PRKCQ: variants seen among roughly 807,000 people sequenced by gnomAD.
The protein encoded by PRKCQ is protein kinase C theta.
A neutral mutation model predicts 91.2 loss-of-function variants in PRKCQ; 41 were observed. The ratio of observed to expected loss-of-function variants is 0.45; its 90% confidence interval spans 0.35 to 0.58. PRKCQ has a LOEUF of 0.58. Among genes scored for constraint, PRKCQ ranks in the 20% least tolerant of loss-of-function variants. The pLI, the probability that PRKCQ is intolerant of heterozygous loss-of-function variation, is 0.00. For synonymous variants in PRKCQ, 307 were observed against 316.9 expected, an observed-to-expected ratio of 0.97 and a Z score of 0.33; for missense variants, 673 against 896.5, an observed-to-expected ratio of 0.75 and a Z score of 3.18.
Position 6,428,197 on chromosome 10 carries a change from G to A in PRKCQ, c.*10C>T. The stretch of plus-strand genomic sequence containing the variant: ...AGGCAAATTCTTTCCTGTCTCTGGA[G>A]GGGCAAGATTCAGGATATCAGCCGC... On this transcript the variant is annotated 3_prime_UTR_variant, in exon 18 of 18. Coordinates refer to ENST00000263125, the MANE Select transcript of PRKCQ (RefSeq NM_006257.5). 2 of 1,614,134 alleles carry A rather than the reference G, an allele frequency of 1.2e-6. No homozygotes were observed. Among genetic ancestry groups the A allele is most frequent in the Non-Finnish European group, 1.7e-6 (2 of 1,180,022 alleles).
chr10:6,500,966 T>G (rs1588340145), intron 4 of PRKCQ, among the ~76,000 whole-genome samples: 1 of 152,156 alleles, frequency 6.6e-6, no homozygotes, highest in South Asian at 2.1e-4. Flanking sequence ...TACCCATATT[T>G]TTTAGGAGGT....
chr10:6,417,682 A>C, the PRKCQ span, among the ~76,000 whole-genome samples: 3 of 152,192 alleles, frequency 2.0e-5, no homozygotes, highest in Admixed American at 6.5e-5. Flanking sequence ...TGGCCACGTG[A>C]ACATTCAGTC....
chr10:6,519,357 C>T (rs1400023329), intron 1 of PRKCQ, among the ~76,000 whole-genome samples: 2 of 152,174 alleles, frequency 1.3e-5, no homozygotes, highest in African/African-American at 4.8e-5. Context: ...ACAGTTGCCC[C>T]TTCATCAGCT....
Position 6,464,472 on chromosome 10 carries a change from C to G in PRKCQ, c.1354-68G>C. 8.8e-6 allele frequency: 12 copies of G among 1,360,732 alleles called. No homozygotes were observed. In the South Asian group the frequency reaches 1.3e-4, roughly 15 times the overall value. 84.3% of individuals were successfully genotyped at this position (1,360,732 alleles called of 1,614,324 possible). On this transcript the variant is annotated intron_variant, in intron 12 of 17. Coordinates refer to ENST00000263125, the MANE Select transcript of PRKCQ (RefSeq NM_006257.5). ...TTTTATTTATTTATTTTGTCCAAGA[C>G]AGGGTCTCACTCTGTCTCCCAGGCT...
In PRKCQ at chr10:6,507,473, T is replaced by C. The variant is rs778141238; in HGVS notation, c.342A>G (p.Arg114=). 1 of 1,613,842 alleles carries C rather than the reference T, an allele frequency of 6.2e-7. No homozygotes were observed. Among genetic ancestry groups the C allele is most frequent in the South Asian group, 1.1e-5 (1 of 91,082 alleles). Residue 114 remains arginine, a synonymous_variant, in exon 4 of 18, where the codon CGA becomes CGG. Transcript: ENST00000263125. ...GAAAGTATCTTGCATTCATTAGCAT[T>C]CGGCCTTGAGGTTTCAGCTCTAACT... ...EIWLELKPQG[R]MLMNARYFLE...
rs140370728 is a variant in PRKCQ at position 6,478,764 on chromosome 10, C to G, written c.1353+228G>C. On this transcript the variant is annotated intron_variant, in intron 12 of 17. Transcript: ENST00000263125. Reference sequence around the variant, plus strand: ...AACCAAATTCTAAAAAACAGGAAAACAGACAAACAAATCTAGAAGTAAAGA... The same window carrying G: ...AACCAAATTCTAAAAAACAGGAAAAGAGACAAACAAATCTAGAAGTAAAGA... 4.6e-3 allele frequency among the ~76,000 whole-genome samples: 705 copies of G among 152,262 alleles called. 5 individuals carry two copies. The highest frequency in any genetic ancestry group is 0.015 in the African/African-American group (606 of 41,556).
chr10:6,484,677 G>C (rs1003401488), intron 10 of PRKCQ, among the ~76,000 whole-genome samples: 3 of 152,078 alleles, frequency 2.0e-5, no homozygotes, highest in Non-Finnish European at 4.4e-5. Flanking sequence ...AACGACTCAG[G>C]TCTCAGAAAC....
chr10:6,554,970 C>G (rs1206236207), intron 1 of PRKCQ, among the ~76,000 whole-genome samples: 1 of 152,188 alleles, frequency 6.6e-6, no homozygotes, highest in African/African-American at 2.4e-5. Context: ...GGAATCATGT[C>G]CTTTGCAGCA....
At chr10:6,415,356 A>C in the PRKCQ span, among the ~76,000 whole-genome samples, 1 of 148,656 alleles carries the variant, frequency 6.7e-6, no homozygotes, top group African/African-American at 2.5e-5. Flanking sequence ...ATTGTAATCA[A>C]ATTTCTTAAA....
rs562241581 is a variant in PRKCQ at position 6,566,524 on chromosome 10, C to T, written c.-10+13687G>A. On this transcript the variant is annotated intron_variant, in intron 1 of 17. Coordinates refer to ENST00000263125, the MANE Select transcript of PRKCQ (RefSeq NM_006257.5). ...TTCCCACTTCTGGGATTTTTCAGTC[C>T]GACTTCACTGTTGGGTGGGTCTGGA... is the stretch of plus-strand genomic sequence containing the variant. Among the ~76,000 whole-genome samples, 6 of 152,212 alleles carry T rather than the reference C, an allele frequency of 3.9e-5. No homozygotes were observed. The East Asian group carries it at 9.6e-4, about 24-fold the overall frequency.
rs186300330 is a variant in PRKCQ at position 6,496,932 on chromosome 10, G to A, written c.660+103C>T. On this transcript the variant is annotated intron_variant, in intron 7 of 17. Transcript: ENST00000263125. ...GGGAGATGGATGTTCACTGATAAAT[G>A]GGAGGATGCAAGTTCTGGCATTATT... 3.8e-5 allele frequency: 39 copies of A among 1,021,964 alleles called. No homozygotes were observed. The African/African-American group carries it at 6.0e-4, about 16-fold the overall frequency. The allele number at this position is 1,021,964 out of a possible 1,614,324, so 63.3% of individuals were successfully genotyped here.
intron 1 of PRKCQ, among the ~76,000 whole-genome samples, chr10:6,543,830 C>T (rs1478266663): frequency 2.6e-5 from 4 of 152,206 alleles, no homozygotes; most frequent in South Asian, 2.1e-4. Flanking sequence ...CCATGCACCG[C>T]GCATCCTTCC....
intron 16 of PRKCQ, among the ~76,000 whole-genome samples, chr10:6,436,439 G>A (rs975672300): frequency 1.9e-4 from 29 of 152,130 alleles, no homozygotes; most frequent in African/African-American, 6.5e-4. Context: ...GCCTGGTACC[G>A]TGTGTGTATA....
rs1011586962 is a variant in PRKCQ, at chr10:6,456,854, A to G, written c.1509-42T>C. On this transcript the variant is annotated intron_variant, in intron 14 of 17. Coordinates refer to ENST00000263125, the MANE Select transcript of PRKCQ (RefSeq NM_006257.5). ...AAGCAAATCTCACATTAATCAATATAATTTGGTTAACATAAAATTCCATAG... is the reference window on the plus strand; with the variant it reads ...AAGCAAATCTCACATTAATCAATATGATTTGGTTAACATAAAATTCCATAG... 3.7e-6 allele frequency: 6 copies of G among 1,606,602 alleles called. No homozygotes were observed. In the African/African-American group the frequency reaches 8.0e-5, roughly 21 times the overall value.
chr10:6,567,958 C>T (rs1010877247), intron 1 of PRKCQ, among the ~76,000 whole-genome samples: 4 of 152,082 alleles, frequency 2.6e-5, no homozygotes, highest in African/African-American at 4.8e-5. Flanking sequence ...ATAGGCTGGG[C>T]GTGGTGGCTC....
the PRKCQ span, among the ~76,000 whole-genome samples, chr10:6,396,958 T>C: frequency 6.6e-6 from 1 of 152,230 alleles, no homozygotes; most frequent in South Asian, 2.1e-4. Flanking sequence ...TGCCCATCTT[T>C]TTTACTGTAG....
intron 1 of PRKCQ, among the ~76,000 whole-genome samples, chr10:6,547,855 T>G (rs2130928225): frequency 6.6e-6 from 1 of 150,738 alleles, no homozygotes; most frequent in South Asian, 2.1e-4. Flanking sequence ...CCAAAAGCAA[T>G]GGCAACAAAA....
At chr10:6,484,866 T>C (rs907245692) in intron 10 of PRKCQ, among the ~76,000 whole-genome samples, 3 of 152,264 alleles carry the variant, frequency 2.0e-5, no homozygotes, top group African/African-American at 7.2e-5. Flanking sequence ...GATTTATTTC[T>C]GTGAAACCAT....
downstream of PRKCQ, among the ~76,000 whole-genome samples, chr10:6,426,394 T>A (rs1833122786): frequency 6.6e-6 from 1 of 152,114 alleles, no homozygotes. Flanking sequence ...ATCCAGGGCC[T>A]TAAAGGACCC....
Sources: gnomAD v4.1 joint callset for allele counts (sites outside exome capture counted in the v4.1 genomes callset) on GRCh38, gnomAD v4.1.1 for gene constraint, MANE v1.5 for transcripts, NCBI Gene and HGNC (gene_info 2026-07-23, HGNC 2026-07-21) for gene names.